Variants in PPIG observed in about 807,000 individuals in gnomAD.
PPIG encodes the protein peptidyl-prolyl cis-trans isomerase G.
PPIG carries 26 observed loss-of-function variants against 87.9 expected under a neutral mutation model. That is an observed-to-expected ratio of 0.30 (90% CI 0.22 to 0.41). The LOEUF (loss-of-function observed/expected upper bound fraction) is 0.41. Ranked by LOEUF, PPIG falls within the 10% of genes least tolerant of loss-of-function variation. The pLI is 1.00. For synonymous variants in PPIG, 308 were observed against 276.5 expected (o/e 1.11, Z -1.13); for missense variants, 722 against 879.4 (o/e 0.82, Z 2.26).
intron 1 of PPIG, among the ~76,000 whole-genome samples, chr2:169,594,694 G>A (rs556328213): frequency 1.0e-4 from 14 of 140,194 alleles, no homozygotes; most frequent in African/African-American, 3.8e-4. Flanking sequence ...GCACAATCTC[G>A]GCTCACTGCA....
rs2592806 is a variant in PPIG, at chr2:169,596,677, G to A, written c.-69-6965G>A. 5.9e-5 allele frequency among the ~76,000 whole-genome samples: 9 copies of A among 151,970 alleles called. No individual in the cohort carries two copies. The South Asian group carries it at 1.7e-3, about 28-fold the overall frequency. ...CAACAGTGTCTGCCTTTGGAGCCAC[G>A]CAACCAGCACTAATATCTCTCCTGG... On this transcript the variant is annotated intron_variant, in intron 1 of 13. Transcript: ENST00000260970.
At chr2:169,606,591 C>CAAAAAAAAAAAAAAAAAA (rs71006009) in intron 5 of PPIG, among the ~76,000 whole-genome samples, 39 of 85,014 alleles carry the variant, frequency 4.6e-4, no homozygotes, top group African/African-American at 1.6e-3. Context: ...GACTCTGTCT[C>CAAAAAAAAAAAAAAAAAA]AAAAAAAAAA....
chr2:169,610,648 A>G (rs1685460026), intron 7 of PPIG, among the ~76,000 whole-genome samples: 1 of 151,292 alleles, frequency 6.6e-6, no homozygotes, highest in Non-Finnish European at 1.5e-5. Flanking sequence ...CCTAATTTCC[A>G]GTTTATCTTC....
At chr2:169,606,792 T>A (rs1157250287) in intron 5 of PPIG, among the ~76,000 whole-genome samples, 1 of 152,102 alleles carries the variant, frequency 6.6e-6, no homozygotes, top group Non-Finnish European at 1.5e-5. Flanking sequence ...ATATCAAAAC[T>A]ATAGTTTTAA....
chr2:169,631,878 C>T lies in PPIG; in HGVS notation c.874C>T (p.Pro292Ser), dbSNP rs752331858. ...TAGATTCCTAATGAGAAAAAGTCCT[C>T]CTAAAGCTGATGAGAAGGAAAGGAA... is the stretch of plus-strand genomic sequence containing the variant. ...ENRFLMRKSPPKADEKERKNR... is the reference protein window; with the variant it reads ...ENRFLMRKSPSKADEKERKNR... Residue 292 changes from proline to serine, a missense_variant, in exon 11 of 14, where the codon CCT becomes TCT. Around this residue, in one of 4 missense-constraint regions of PPIG, gnomAD observed 142 missense variants for 152.8 expected, o/e 0.93. Coordinates refer to ENST00000260970, the MANE Select transcript of PPIG (RefSeq NM_004792.3). 7.5e-6 allele frequency: 12 copies of T among 1,610,388 alleles called. No individual in the cohort carries two copies. The highest frequency in any genetic ancestry group is 1.7e-5 in the Admixed American group (1 of 59,936).
chr2:169,592,305 T>TTC lies in PPIG; in HGVS notation c.-70+7816_-70+7817insCT, dbSNP rs1205582071. On this transcript the variant is annotated intron_variant, in intron 1 of 13. Transcript: ENST00000260970. ...ATCTGGTTTCAGATGTCTTTTTTCT[T>TTC]TTTTTTTTTTTTTTTTTGAGATGGA... Among the ~76,000 whole-genome samples the TTC allele has an allele frequency of 9.6e-5, 10 of 104,652 alleles. No individual in the cohort carries two copies. The South Asian group carries it at 1.3e-3, about 14-fold the overall frequency. The allele number at this position is 104,652 out of a possible 152,430, so 68.7% of individuals were successfully genotyped here.
intron 4 of PPIG, 84 bp from the exon 5 acceptor site, chr2:169,605,955 A>G (rs968202298): frequency 4.1e-5 from 37 of 912,456 alleles, no homozygotes; most frequent in Non-Finnish European, 5.3e-5. Context: ...GCAGGGTTCA[A>G]GAGGGGCATA....
intron 7 of PPIG, among the ~76,000 whole-genome samples, chr2:169,612,230 C>T (rs1194161300): frequency 1.3e-5 from 2 of 152,120 alleles, no homozygotes; most frequent in African/African-American, 2.4e-5. Flanking sequence ...TTTCCCCTTT[C>T]CCCCAATCCC....
intron 9 of PPIG, among the ~76,000 whole-genome samples, chr2:169,625,802 G>T (rs978380309): frequency 6.6e-6 from 1 of 151,886 alleles, no homozygotes; most frequent in African/African-American, 2.4e-5. Flanking sequence ...ATTTCATCAG[G>T]GTTTAGGGGA....
intron 7 of PPIG, among the ~76,000 whole-genome samples, chr2:169,609,722 A>G (rs780522309): frequency 6.6e-6 from 1 of 152,190 alleles, no homozygotes; most frequent in Non-Finnish European, 1.5e-5. Context: ...CCTTATTAGA[A>G]TGTCAACTAA....
intron 4 of PPIG, among the ~76,000 whole-genome samples, chr2:169,605,566 C>T (rs1867919): frequency 0.023 from 3,518 of 151,608 alleles, 121 homozygotes; most frequent in African/African-American, 0.078. Context: ...TTTGGGAGGC[C>T]GAGGTGGGTG....
intron 9 of PPIG, among the ~76,000 whole-genome samples, chr2:169,627,704 C>CTTTTT (rs777197172): frequency 0.17 from 17,135 of 100,888 alleles, 1,264 homozygotes; most frequent in South Asian, 0.27. Flanking sequence ...AGTGGGCTTG[C>CTTTTT]TTTTTTTTTT....
chr2:169,609,103 C>T (rs1024561023), intron 7 of PPIG, among the ~76,000 whole-genome samples: 12 of 151,482 alleles, frequency 7.9e-5, no homozygotes, highest in Non-Finnish European at 2.9e-5. Flanking sequence ...AAAAAAAATC[C>T]CGTTTTTGGT....
chr2:169,601,459 AAAAT>A (rs1322150903), intron 1 of PPIG, among the ~76,000 whole-genome samples: 23 of 152,232 alleles, frequency 1.5e-4, no homozygotes, highest in Non-Finnish European at 2.4e-4. Context: ...GCTTGGAAGA[AAAAT>A]AAAGCAGAAT....
intron 1 of PPIG, among the ~76,000 whole-genome samples, chr2:169,587,879 G>A (rs1010028313): frequency 1.3e-5 from 2 of 152,112 alleles, no homozygotes; most frequent in African/African-American, 4.8e-5. Context: ...ATGATGGCCG[G>A]GGGTGGTGGC....
intron 1 of PPIG, among the ~76,000 whole-genome samples, chr2:169,593,808 G>A (rs867821482): frequency 1.1e-4 from 13 of 120,220 alleles, no homozygotes; most frequent in African/African-American, 3.4e-4. Context: ...CACCATGCCC[G>A]GCTAATTTTT....
At chr2:169,605,408 C>T (rs955371801) in intron 4 of PPIG, among the ~76,000 whole-genome samples, 4 of 151,920 alleles carry the variant, frequency 2.6e-5, no homozygotes, top group Non-Finnish European at 5.9e-5. Context: ...GAGGATGAGG[C>T]GGGAGATTCG....
At chr2:169,624,129 G>A (rs1264898356) in intron 9 of PPIG, among the ~76,000 whole-genome samples, 1 of 152,070 alleles carries the variant, frequency 6.6e-6, no homozygotes, top group Non-Finnish European at 1.5e-5. Flanking sequence ...GCCACACCTG[G>A]CTAATTTTTG....
rs193089291 is a variant in PPIG at position 169,615,134 on chromosome 2, C to T, written c.547+410C>T. Among the ~76,000 whole-genome samples, 13 of 152,070 alleles carry T rather than the reference C, an allele frequency of 8.5e-5. No homozygotes were observed. The East Asian group carries it at 1.5e-3, about 18-fold the overall frequency. On this transcript the variant is annotated intron_variant, in intron 9 of 13. Coordinates refer to ENST00000260970, the MANE Select transcript of PPIG (RefSeq NM_004792.3). Reference sequence around the variant, plus strand: ...CATGATCTTGGCTCACTGCAACCTCCGTCTCCCGGGTTGAAGCAATTCTCC... The same window carrying T: ...CATGATCTTGGCTCACTGCAACCTCTGTCTCCCGGGTTGAAGCAATTCTCC...
Sources: allele counts gnomAD v4.1 joint callset (sites outside exome capture counted in the v4.1 genomes callset), GRCh38; gene constraint gnomAD v4.1.1; regional missense constraint gnomAD v4.1.1; transcripts MANE v1.5; gene names NCBI Gene and HGNC (gene_info 2026-07-23, HGNC 2026-07-21).